The following GBF1 variants were observed in gnomAD, a reference collection of about 807,000 sequenced individuals.
GBF1 encodes Golgi-specific brefeldin A-resistance guanine nucleotide exchange factor 1.
In GBF1, 114 loss-of-function variants were observed where a neutral mutation model predicts 210.5. The ratio of observed to expected loss-of-function variants is 0.54; its 90% CI spans 0.47 to 0.63. The LOEUF is 0.63. Ranked by LOEUF, GBF1 falls within the 30% of genes least tolerant of loss-of-function variation. The pLI is 0.00. For synonymous variants in GBF1, 850 were observed against 889.2 expected (o/e 0.96, Z 0.78); for missense variants, 1,851 against 2,357.7 (o/e 0.79, Z 4.45).
At chr10:102,314,449 C>A (rs776915091) in intron 3 of GBF1, among the ~76,000 whole-genome samples, 4 of 152,096 alleles carry the variant, frequency 2.6e-5, no homozygotes, top group Non-Finnish European at 5.9e-5. Context: ...ACCCAGCAAC[C>A]TGTCAATTAT....
intron 3 of GBF1, among the ~76,000 whole-genome samples, chr10:102,293,608 T>C (rs1337815570): frequency 6.6e-6 from 1 of 152,034 alleles, no homozygotes; most frequent in Non-Finnish European, 1.5e-5. Context: ...ACCAGTGATA[T>C]TGATGATCCT....
chr10:102,352,578 C>T (rs2059060561), intron 7 of GBF1, 60 bp downstream of exon 7: 1 of 1,163,052 alleles, frequency 8.6e-7, no homozygotes, highest in East Asian at 2.3e-5. Flanking sequence ...CTGCCTGCTT[C>T]CACACAGCCA....
At chr10:102,260,473 C>CTCTTTTTTTTTTT (rs2073056936) in intron 3 of GBF1, among the ~76,000 whole-genome samples, 3 of 74,796 alleles carry the variant, frequency 4.0e-5, no homozygotes, top group Admixed American at 1.5e-4. Context: ...ATTTTCCTTT[C>CTCTTTTTTTTTTT]TTCTTTTTTT....
intron 3 of GBF1, among the ~76,000 whole-genome samples, chr10:102,269,688 G>C (rs1201060396): frequency 3.9e-5 from 6 of 152,130 alleles, no homozygotes; most frequent in African/African-American, 1.2e-4. Flanking sequence ...CTTGACAAGA[G>C]GATGTAGAAT....
intron 4 of GBF1, among the ~76,000 whole-genome samples, chr10:102,350,801 G>T (rs1477023788): frequency 6.6e-6 from 1 of 151,990 alleles, no homozygotes; most frequent in African/African-American, 2.4e-5. Context: ...ACCAGTTATG[G>T]GGCCGGGTGC....
the GBF1 span, chr10:102,231,144 C>A: frequency 2.0e-6 from 3 of 1,471,878 alleles, no homozygotes; most frequent in Admixed American, 2.4e-5. Flanking sequence ...GGGGCCGGGT[C>A]CCAGCGGCTG....
intron 18 of GBF1, 139 bp downstream of exon 18, chr10:102,365,738 C>T: frequency 1.4e-6 from 1 of 723,752 alleles, no homozygotes; most frequent in Non-Finnish European, 2.4e-6. Context: ...TGGTGAAACC[C>T]TGTCTCTACA....
chr10:102,309,447 A>G (rs892194033), intron 3 of GBF1, among the ~76,000 whole-genome samples: 1 of 152,172 alleles, frequency 6.6e-6, no homozygotes, highest in African/African-American at 2.4e-5. Context: ...GAGGTCTACT[A>G]TTTCTTCTGT....
intron 3 of GBF1, among the ~76,000 whole-genome samples, chr10:102,338,480 G>A (rs891183834): frequency 6.6e-6 from 1 of 151,836 alleles, no homozygotes; most frequent in Non-Finnish European, 1.5e-5. Context: ...GTGACCTCAA[G>A]TGATCCACTC....
At chr10:102,261,198 T>C (rs2073162784) in intron 3 of GBF1, among the ~76,000 whole-genome samples, 1 of 152,096 alleles carries the variant, frequency 6.6e-6, no homozygotes, top group African/African-American at 2.4e-5. Flanking sequence ...TCTGTACATG[T>C]GATTAGAAGA....
chr10:102,258,160 T>TC (rs1056927029), intron 1 of GBF1, among the ~76,000 whole-genome samples: 1 of 148,836 alleles, frequency 6.7e-6, no homozygotes, highest in African/African-American at 2.5e-5. Context: ...ATTTTTTTTT[T>TC]TTTTTTTTTT....
intron 3 of GBF1, among the ~76,000 whole-genome samples, chr10:102,323,835 A>G (rs1316820849): frequency 6.6e-6 from 1 of 152,100 alleles, no homozygotes; most frequent in Non-Finnish European, 1.5e-5. Flanking sequence ...GTTTTCCTGG[A>G]TGAAGTTTAA....
chr10:102,313,040 C>G (rs2078616182), intron 3 of GBF1, among the ~76,000 whole-genome samples: 1 of 152,102 alleles, frequency 6.6e-6, no homozygotes. Context: ...ACAGTACTTT[C>G]TAGTGAGTGC....
At chr10:102,356,347 G>C (rs189938604) in intron 8 of GBF1, among the ~76,000 whole-genome samples, 101 of 152,312 alleles carry the variant, frequency 6.6e-4, no homozygotes, top group African/African-American at 2.2e-3. Flanking sequence ...GTTTCTGGAA[G>C]AGTGTTGCCA....
intron 3 of GBF1, among the ~76,000 whole-genome samples, chr10:102,261,003 T>G (rs2073136538): frequency 6.6e-6 from 1 of 152,154 alleles, no homozygotes; most frequent in African/African-American, 2.4e-5. Flanking sequence ...TTTATTACCT[T>G]ATTGAACTTT....
At chr10:102,362,409 T>A in intron 14 of GBF1, 66 bp from the exon 15 acceptor site, 1 of 1,218,366 alleles carries the variant, frequency 8.2e-7, no homozygotes, top group Non-Finnish European at 1.2e-6. Context: ...TTGGAAATTT[T>A]AGAAAATGAT....
the GBF1 span, among the ~76,000 whole-genome samples, chr10:102,239,469 T>C: frequency 6.6e-6 from 1 of 152,196 alleles, no homozygotes; most frequent in Non-Finnish European, 1.5e-5. Context: ...CCCTGAAAAG[T>C]GTATCAGAAT....
At chr10:102,365,911 T>G (rs1217212068) in intron 18 of GBF1, among the ~76,000 whole-genome samples, 4 of 151,420 alleles carry the variant, frequency 2.6e-5, no homozygotes, top group African/African-American at 9.7e-5. Flanking sequence ...AGTGAGATCA[T>G]GCCACTGTGA....
intron 3 of GBF1, among the ~76,000 whole-genome samples, chr10:102,301,194 T>C (rs917558850): frequency 6.6e-5 from 10 of 152,156 alleles, no homozygotes; most frequent in African/African-American, 2.4e-4. Flanking sequence ...TTAATGAGCA[T>C]GCTGCCTTCA....
Sources: gnomAD v4.1 joint callset for allele counts (sites outside exome capture counted in the v4.1 genomes callset) on GRCh38, gnomAD v4.1.1 for gene constraint, MANE v1.5 for transcripts, NCBI Gene and HGNC (gene_info 2026-07-23, HGNC 2026-07-21) for gene names.